Variants in OR2L13 observed in about 807,000 individuals in gnomAD.
The protein encoded by OR2L13 is olfactory receptor 2L13.
OR2L13 carries 14 observed loss-of-function variants against 15.3 expected under a neutral mutation model. That is an observed-to-expected ratio of 0.91 (90% confidence interval 0.60 to 1.43). The LOEUF (loss-of-function observed/expected upper bound fraction) is 1.43. Ranked by LOEUF, OR2L13 falls within the 40% of genes most tolerant of loss-of-function variation. The probability of loss-of-function intolerance (pLI) is 0.00; values close to 1 mark genes in which losing one functional copy is unlikely to be tolerated. For missense variants in OR2L13, 367 were observed against 387.9 expected, an observed-to-expected ratio of 0.95 and a Z score of 0.45; for synonymous variants, 152 against 142.9, an observed-to-expected ratio of 1.06 and a Z score of -0.45.
At chr1:248,066,271 C>T in the OR2L13 span, among the ~76,000 whole-genome samples, 13 of 152,290 alleles carry the variant, frequency 8.5e-5, no homozygotes, top group South Asian at 1.0e-3. Flanking sequence ...GCTTTTCCCT[C>T]GTTAATCTGT....
chr1:248,047,282 G>A, the OR2L13 span, among the ~76,000 whole-genome samples: 1 of 152,134 alleles, frequency 6.6e-6, no homozygotes, highest in Non-Finnish European at 1.5e-5. Context: ...CATGAATGAT[G>A]AGTGATTATA....
chr1:248,049,361 G>A, the OR2L13 span, among the ~76,000 whole-genome samples: 2 of 152,208 alleles, frequency 1.3e-5, no homozygotes, highest in African/African-American at 4.8e-5. Flanking sequence ...TCAAAAGTTA[G>A]TAATAGGTTC....
At chr1:248,030,472 C>T in the OR2L13 span, among the ~76,000 whole-genome samples, 1 of 152,062 alleles carries the variant, frequency 6.6e-6, no homozygotes, top group Non-Finnish European at 1.5e-5. Context: ...AAATGATGGT[C>T]AATGGAAGAG....
At chr1:248,035,581 G>T in the OR2L13 span, 1 of 152,146 alleles carries the variant, frequency 6.6e-6, no homozygotes, top group Non-Finnish European at 1.5e-5. Flanking sequence ...ACAGTCCACA[G>T]GCTAAAATAT....
chr1:247,965,722 G>T, the OR2L13 span: 1 of 1,555,882 alleles, frequency 6.4e-7, no homozygotes, highest in Non-Finnish European at 8.7e-7. Context: ...CCTTCTCCTT[G>T]GTTTTATGTC....
At chr1:247,975,096 G>A in the OR2L13 span, 3 of 358,450 alleles carry the variant, frequency 8.4e-6, no homozygotes, top group South Asian at 8.5e-5. Context: ...TCAATGGCCT[G>A]TGATCATTAT....
At chr1:248,028,918 G>A in the OR2L13 span, among the ~76,000 whole-genome samples, 42 of 152,156 alleles carry the variant, frequency 2.8e-4, no homozygotes, top group East Asian at 7.3e-3. Flanking sequence ...AAACAGTACC[G>A]TGGTTGCACT....
At chr1:248,075,349 A>C in the OR2L13 span, among the ~76,000 whole-genome samples, 2 of 152,174 alleles carry the variant, frequency 1.3e-5, no homozygotes, top group African/African-American at 4.8e-5. Flanking sequence ...ATGATTTATA[A>C]TCCTTTGGGT....
chr1:247,975,039 GT>G, the OR2L13 span: 1 of 324,412 alleles, frequency 3.1e-6, no homozygotes, highest in African/African-American at 2.2e-5. Context: ...GGAATTCAGA[GT>G]TTCTTCTTTG....
chr1:248,087,962 T>C, the OR2L13 span, among the ~76,000 whole-genome samples: 3 of 152,334 alleles, frequency 2.0e-5, no homozygotes, highest in South Asian at 2.1e-4. Context: ...AAAATAATAA[T>C]AGATTTTATT....
At position 248,100,145 on chromosome 1, in the gene OR2L13, C is replaced by T. The variant is rs116383269; in HGVS notation, c.770C>T (p.Thr257Ile). The stretch of plus-strand genomic sequence containing the variant: ...TTTTACTATGCACCTTTTGTCTACA[C>T]CTATCTTCGGCCCAGGAATCTCCGC... Residue 257 changes from threonine (T) to isoleucine (I), a missense_variant, in exon 3 of 3, where the codon ACC (threonine) becomes ATC (isoleucine). By Grantham distance (89) the Thr-to-Ile change is moderately conservative. Coordinates refer to ENST00000641714, the Ensembl canonical transcript of OR2L13. The T allele has an allele frequency of 3.0e-3, 4,855 of 1,614,086 alleles. 135 individuals carry two copies. In the African/African-American group the frequency reaches 0.056, roughly 19 times the overall value.
the OR2L13 span, among the ~76,000 whole-genome samples, chr1:248,066,395 G>C: frequency 6.6e-6 from 1 of 152,136 alleles, no homozygotes; most frequent in Non-Finnish European, 1.5e-5. Flanking sequence ...TCTTCCTTTT[G>C]TAAGATTTAC....
the OR2L13 span, among the ~76,000 whole-genome samples, chr1:247,981,101 A>G: frequency 2.0e-5 from 3 of 152,358 alleles, no homozygotes; most frequent in East Asian, 3.9e-4. Flanking sequence ...TATAGAATGC[A>G]GACAACCAAC....
chr1:247,989,804 A>G, the OR2L13 span, among the ~76,000 whole-genome samples: 850 of 152,252 alleles, frequency 5.6e-3, 11 homozygotes, highest in African/African-American at 0.018. Context: ...ATTGCATGGA[A>G]AATTCCACAA....
the OR2L13 span, among the ~76,000 whole-genome samples, chr1:247,994,302 C>G: frequency 6.6e-6 from 1 of 152,148 alleles, no homozygotes; most frequent in Non-Finnish European, 1.5e-5. Context: ...GAGGCTGAGG[C>G]AGGAGAATGG....
At chr1:247,958,779 GT>G in the OR2L13 span, among the ~76,000 whole-genome samples, 1 of 151,076 alleles carries the variant, frequency 6.6e-6, no homozygotes. Flanking sequence ...GCCTTTTTTT[GT>G]TTTCCATTTG....
chr1:248,003,965 A>G, the OR2L13 span: 23 of 1,613,832 alleles, frequency 1.4e-5, no homozygotes, highest in South Asian at 2.5e-4. Context: ...CTTCTACACC[A>G]CCCTCACCCC....
the OR2L13 span, chr1:248,042,009 A>G: frequency 1.3e-5 from 2 of 152,234 alleles, no homozygotes; most frequent in South Asian, 4.1e-4. Flanking sequence ...TACTGGGTAT[A>G]TAACCAAAGG....
the OR2L13 span, among the ~76,000 whole-genome samples, chr1:247,937,815 G>A: frequency 6.6e-6 from 1 of 152,168 alleles, no homozygotes; most frequent in Non-Finnish European, 1.5e-5. Context: ...TTTTATTATA[G>A]CATGCCAACT....
Sources: gnomAD v4.1 joint callset for allele counts (sites outside exome capture counted in the v4.1 genomes callset) on GRCh38, gnomAD v4.1.1 for gene constraint, MANE v1.5 for transcripts, NCBI Gene and HGNC (gene_info 2026-07-23, HGNC 2026-07-21) for gene names.